Variants in PRIMA1 observed in about 807,000 individuals in gnomAD.
PRIMA1 encodes the protein proline rich membrane anchor 1, also known as proline-rich membrane anchor 1.
Under a neutral mutation model 17.5 loss-of-function variants are expected in PRIMA1, and 7 were observed. The ratio of observed to expected loss-of-function variants is 0.40; its 90% CI spans 0.23 to 0.75. The LOEUF (loss-of-function observed/expected upper bound fraction) is 0.75, where lower values mean the gene tolerates loss of function less well. Among genes scored for constraint, PRIMA1 ranks in the 30% least tolerant of loss-of-function variants. The pLI, the probability that PRIMA1 is intolerant of heterozygous loss-of-function variation, is 0.37. For synonymous variants in PRIMA1, 97 were observed against 77.9 expected, an observed-to-expected ratio of 1.25 and a Z score of -1.29; for missense variants, 200 against 201.8, an observed-to-expected ratio of 0.99 and a Z score of 0.05.
intron 3 of PRIMA1, among the ~76,000 whole-genome samples, chr14:93,744,154 A>G (rs2076201598): frequency 6.6e-6 from 1 of 152,218 alleles, no homozygotes; most frequent in Non-Finnish European, 1.5e-5. Context: ...CTGGTCTCTC[A>G]GCCTCATTTA....
At chr14:93,768,264 A>G (rs1372963670) in intron 3 of PRIMA1, among the ~76,000 whole-genome samples, 6 of 152,094 alleles carry the variant, frequency 3.9e-5, no homozygotes, top group Non-Finnish European at 5.9e-5. Context: ...CCCTGCAAAC[A>G]TATTAGTGGC....
At chr14:93,769,643 G>A (rs572952666) in intron 3 of PRIMA1, among the ~76,000 whole-genome samples, 3 of 152,292 alleles carry the variant, frequency 2.0e-5, no homozygotes, top group African/African-American at 4.8e-5. Flanking sequence ...CAGGGAAGGC[G>A]GGTCACGGGG....
intron 4 of PRIMA1, among the ~76,000 whole-genome samples, chr14:93,723,613 C>T (rs767402993): frequency 3.7e-4 from 57 of 152,326 alleles, no homozygotes; most frequent in Non-Finnish European, 6.5e-4. Context: ...AGCCCAGCCA[C>T]CGTGGCTTCT....
At chr14:93,736,952 C>G (rs2076153628) in intron 4 of PRIMA1, among the ~76,000 whole-genome samples, 1 of 152,148 alleles carries the variant, frequency 6.6e-6, no homozygotes, top group Non-Finnish European at 1.5e-5. Flanking sequence ...CTTGTGGAAT[C>G]AAACTCTCTA....
Position 93,774,425 on chromosome 14 carries a change from G to C in PRIMA1, c.229+4751C>G, listed in dbSNP as rs78812936. On this transcript the variant is annotated intron_variant, in intron 3 of 4. Transcript: ENST00000393140. ...AACGTTCCTGGTCATTACTTCTAGG[G>C]GGCACTTCACAGGCCTGCACGAATA... is the stretch of plus-strand genomic sequence containing the variant. Among the ~76,000 whole-genome samples, 32 of 152,298 alleles carry C rather than the reference G, an allele frequency of 2.1e-4. 1 individual carries two copies. In the East Asian group the frequency reaches 5.2e-3, roughly 25 times the overall value.
At chr14:93,774,597 C>T (rs1885155644) in intron 3 of PRIMA1, among the ~76,000 whole-genome samples, 1 of 152,234 alleles carries the variant, frequency 6.6e-6, no homozygotes, top group Non-Finnish European at 1.5e-5. Context: ...GCCACTCCCT[C>T]TCCTTCGTGG....
At chr14:93,734,553 C>G (rs1346611926) in intron 4 of PRIMA1, among the ~76,000 whole-genome samples, 1 of 152,220 alleles carries the variant, frequency 6.6e-6, no homozygotes, top group South Asian at 2.1e-4. Context: ...CTGCAAGTCC[C>G]TGAGTGCCTC....
At chr14:93,734,033 C>T (rs1360048403) in intron 4 of PRIMA1, among the ~76,000 whole-genome samples, 2 of 152,192 alleles carry the variant, frequency 1.3e-5, no homozygotes, top group Non-Finnish European at 2.9e-5. Context: ...GGCTCTATTT[C>T]TGCCTTCACC....
intron 4 of PRIMA1, among the ~76,000 whole-genome samples, chr14:93,723,747 T>C (rs1456330770): frequency 6.6e-6 from 1 of 152,124 alleles, no homozygotes; most frequent in Non-Finnish European, 1.5e-5. Context: ...AAGCTAGGCC[T>C]GGAGTAAGAG....
intron 3 of PRIMA1, among the ~76,000 whole-genome samples, chr14:93,772,151 T>C (rs371794780): frequency 2.6e-5 from 4 of 152,312 alleles, no homozygotes; most frequent in African/African-American, 9.6e-5. Flanking sequence ...AAAGGAAGCA[T>C]CTTAGAACTT....
rs1308705065 is a variant in PRIMA1 at position 93,721,560 on chromosome 14, G to T, written c.360-14C>A. 4 of 1,571,260 alleles carry T rather than the reference G, an allele frequency of 2.5e-6. No individual in the cohort carries two copies. Among genetic ancestry groups the T allele is most frequent in the Non-Finnish European group, 3.5e-6 (4 of 1,142,122 alleles). On this transcript the variant is annotated splice_polypyrimidine_tract_variant and intron_variant, in intron 4 of 4. Coordinates refer to ENST00000393140, the MANE Select transcript of PRIMA1 (RefSeq NM_178013.4). Reference sequence around the variant, plus strand: ...CTCAGTGGTTTCCTGGAAGTGGGGGGAGGGGACAGGAAAGGCAAAGGAGGG... The same window carrying T: ...CTCAGTGGTTTCCTGGAAGTGGGGGTAGGGGACAGGAAAGGCAAAGGAGGG...
Position 93,722,688 on chromosome 14 carries a change from G to T in PRIMA1, c.360-1142C>A, listed in dbSNP as rs558469501. 7.6e-4 allele frequency among the ~76,000 whole-genome samples: 12 copies of T among 15,744 alleles called. No homozygotes were observed. In the East Asian group the frequency reaches 0.01, roughly 13 times the overall value. The allele number at this position is 15,744 out of a possible 152,430, so 10.3% of individuals were successfully genotyped here. ...GCGGTAATGATGATGGGGTGATGAT[G>T]GTAATGATGATGATAGTGGTGGTTA... is the stretch of plus-strand genomic sequence containing the variant. On this transcript the variant is annotated intron_variant, in intron 4 of 4. Transcript: ENST00000393140.
chr14:93,741,098 C>T (rs979273494), intron 3 of PRIMA1, among the ~76,000 whole-genome samples: 21 of 152,192 alleles, frequency 1.4e-4, no homozygotes, highest in African/African-American at 4.3e-4. Flanking sequence ...AAAACACTAA[C>T]GGCTATGAAA....
At chr14:93,729,000 C>A (rs1393400397) in intron 4 of PRIMA1, among the ~76,000 whole-genome samples, 4 of 152,212 alleles carry the variant, frequency 2.6e-5, no homozygotes, top group Middle Eastern at 3.2e-3. Context: ...GCTGGCCTGA[C>A]CTCTTCCTGG....
chr14:93,785,863 C>T (rs1159415423), intron 2 of PRIMA1, among the ~76,000 whole-genome samples: 1 of 150,702 alleles, frequency 6.6e-6, no homozygotes, highest in Non-Finnish European at 1.5e-5. Context: ...AATACACCCG[C>T]ACACACACAC....
At chr14:93,774,905 T>C (rs998138108) in intron 3 of PRIMA1, among the ~76,000 whole-genome samples, 1 of 152,170 alleles carries the variant, frequency 6.6e-6, no homozygotes, top group Non-Finnish European at 1.5e-5. Flanking sequence ...GAGGAAGAAA[T>C]TGAGGCTTAG....
intron 3 of PRIMA1, among the ~76,000 whole-genome samples, chr14:93,746,203 G>T (rs979545896): frequency 1.3e-5 from 2 of 152,112 alleles, no homozygotes; most frequent in Non-Finnish European, 2.9e-5. Context: ...GTCTGCTGGG[G>T]GCTCCTGGGA....
chr14:93,724,623 TC>T (rs2076062747), intron 4 of PRIMA1, among the ~76,000 whole-genome samples: 1 of 152,120 alleles, frequency 6.6e-6, no homozygotes, highest in African/African-American at 2.4e-5. Context: ...GATCCTGTGC[TC>T]CCCAGTGAGG....
intron 3 of PRIMA1, among the ~76,000 whole-genome samples, chr14:93,765,514 G>A (rs1225018448): frequency 6.6e-6 from 1 of 150,804 alleles, no homozygotes; most frequent in East Asian, 1.9e-4. Context: ...ACTATTGTAA[G>A]CACTGAACAT....
Sources: gnomAD v4.1 joint callset for allele counts (sites outside exome capture counted in the v4.1 genomes callset) on GRCh38, gnomAD v4.1.1 for gene constraint, MANE v1.5 for transcripts, NCBI Gene and HGNC (gene_info 2026-07-23, HGNC 2026-07-21) for gene names.